Variants in PLB1 observed in about 807,000 individuals in gnomAD.
PLB1 encodes phospholipase B1, membrane-associated.
PLB1 carries 242 observed loss-of-function variants against 227.4 expected under a neutral mutation model. That is an observed-to-expected ratio of 1.06 (90% CI 0.96 to 1.18). PLB1 has a LOEUF of 1.18. PLB1 is among the 50% of genes most tolerant of loss of function. The pLI is 0.00. For synonymous variants in PLB1, 757 were observed against 682.2 expected (o/e 1.11, Z -1.71); for missense variants, 1,858 against 1,816.3 (o/e 1.02, Z -0.42).
At position 28,516,796 on chromosome 2, in the gene PLB1, G is replaced by A; in HGVS notation, c.56-12G>A. On this transcript the variant is annotated splice_polypyrimidine_tract_variant and intron_variant, in intron 1 of 57. Coordinates refer to ENST00000327757, the MANE Select transcript of PLB1 (RefSeq NM_153021.5). ...CAGCTAAATAACTTGAACTATTTCT[G>A]CTTTCTTTCAGGGACCCCTCAGATC... The A allele has an allele frequency of 6.2e-7, 1 of 1,610,680 alleles. No individual in the cohort carries two copies. Among genetic ancestry groups the A allele is most frequent in the Non-Finnish European group, 8.5e-7 (1 of 1,177,112 alleles).
chr2:28,590,413 G>A (rs1008175450), intron 29 of PLB1, among the ~76,000 whole-genome samples: 1 of 152,186 alleles, frequency 6.6e-6, no homozygotes. Context: ...AGGGCAGATG[G>A]GGCGGAAGGA....
At chr2:28,540,770 G>C (rs1009492407) in intron 12 of PLB1, among the ~76,000 whole-genome samples, 4 of 152,200 alleles carry the variant, frequency 2.6e-5, no homozygotes, top group African/African-American at 9.7e-5. Context: ...ACCACATCTG[G>C]GGTGGGTGAG....
chr2:28,617,877 A>G, intron 45 of PLB1, 90 bp downstream of exon 45: 1 of 1,319,942 alleles, frequency 7.6e-7, no homozygotes, highest in Non-Finnish European at 1.1e-6. Flanking sequence ...CTGGAGCTTT[A>G]AGCAGGACTT....
chr2:28,543,273 G>A lies in PLB1; in HGVS notation c.936+5G>A. 6.2e-7 allele frequency: 1 copy of A among 1,611,476 alleles called. No individual in the cohort carries two copies. On this transcript the variant is annotated splice_donor_5th_base_variant and intron_variant, in intron 14 of 57. Coordinates refer to ENST00000327757, the MANE Select transcript of PLB1 (RefSeq NM_153021.5). ...TGGCATCTCTGGAATAGGATGGTGA[G>A]TAGATGGGGCCTGGGGTGGGGCCCA...
At position 28,606,556 on chromosome 2, in the gene PLB1, T is replaced by C; in HGVS notation, c.3118T>C (p.Cys1040Arg). 1 of 1,614,160 alleles carries C rather than the reference T, an allele frequency of 6.2e-7. No individual in the cohort carries two copies. ...LDLRAEMPIT[C>R]PTQNEPFLRT... ...CCTGAGAGCAGAGATGCCCATCACC[T>C]GTCCCACTCAGGTAGTAGGGGAGGA... The change falls in exon 43 of 58, where the codon TGT (cysteine) becomes CGT (arginine). Residue 1040 changes from cysteine to arginine, a missense_variant. Physicochemically the swap from Cys to Arg is radical, Grantham distance 180. Coordinates refer to ENST00000327757, the MANE Select transcript of PLB1 (RefSeq NM_153021.5).
At chr2:28,607,670 A>AG (rs1157483417) in intron 43 of PLB1, among the ~76,000 whole-genome samples, 2 of 152,158 alleles carry the variant, frequency 1.3e-5, no homozygotes, top group Non-Finnish European at 2.9e-5. Context: ...AAAACCTTAG[A>AG]GGCCCCTACT....
chr2:28,592,724 G>A lies in PLB1; in HGVS notation c.2247+5G>A, dbSNP rs1682179931. The stretch of plus-strand genomic sequence containing the variant: ...GCTCTGGGGGATTCTCTGACCGTAA[G>A]GACTCTTGGGCCCCAGGTGGTTTGG... On this transcript the variant is annotated splice_donor_5th_base_variant and intron_variant, in intron 32 of 57. Transcript: ENST00000327757. The A allele has an allele frequency of 1.2e-6, 2 of 1,613,762 alleles. No individual in the cohort carries two copies. Among genetic ancestry groups the A allele is most frequent in the Admixed American group, 1.7e-5 (1 of 59,956 alleles).
In PLB1 at chr2:28,566,876, G is replaced by T. The variant is rs781439531; in HGVS notation, c.1324+37G>T. The T allele has an allele frequency of 4.7e-5, 75 of 1,612,364 alleles. 1 individual carries two copies. The South Asian group carries it at 7.2e-4, about 16-fold the overall frequency. On this transcript the variant is annotated intron_variant, in intron 20 of 57. Coordinates refer to ENST00000327757, the MANE Select transcript of PLB1 (RefSeq NM_153021.5). ...GCGGCGGCCGGGATGTTTGGTTTGG[G>T]GCGGCCCCTGCACGCTTCCCGCTCC... is the stretch of plus-strand genomic sequence containing the variant.
rs1690137449 is a variant in PLB1 at position 28,642,973 on chromosome 2, T to G, written c.4289T>G (p.Val1430Gly). ...GTGGCAGCGGGAGTCGGCCTTGTGG[T>G]GGGCATCATCGGGACAGTGGTCTGG... is the stretch of plus-strand genomic sequence containing the variant. ...VPVAAGVGLV[V>G]GIIGTVVWRC... is the part of the protein sequence containing the mutation. The change falls in exon 58 of 58, where the codon GTG becomes GGG. Residue 1430 changes from valine (V) to glycine (G), a missense_variant. Coordinates refer to ENST00000327757, the MANE Select transcript of PLB1 (RefSeq NM_153021.5). 1 of 1,610,304 alleles carries G rather than the reference T, an allele frequency of 6.2e-7. No homozygotes were observed. Among genetic ancestry groups the G allele is most frequent in the African/African-American group, 1.3e-5 (1 of 74,868 alleles).
At chr2:28,604,135 G>A (rs1684315640) in intron 40 of PLB1, 88 bp downstream of exon 40, 2 of 1,305,278 alleles carry the variant, frequency 1.5e-6, no homozygotes, top group East Asian at 2.3e-5. Flanking sequence ...GGCACACAGG[G>A]AAGGAAAAGC....
intron 43 of PLB1, among the ~76,000 whole-genome samples, chr2:28,609,889 G>A (rs945708280): frequency 2.6e-5 from 4 of 152,022 alleles, no homozygotes; most frequent in African/African-American, 9.7e-5. Flanking sequence ...CACTGCAGGG[G>A]CTCAGATTCT....
chr2:28,571,167 A>C (rs1677948709), intron 20 of PLB1, among the ~76,000 whole-genome samples: 1 of 152,214 alleles, frequency 6.6e-6, no homozygotes, highest in African/African-American at 2.4e-5. Flanking sequence ...ATCAATTATA[A>C]TTCTTTATAC....
In PLB1 at chr2:28,526,417, A is replaced by C. The variant is rs74756600; in HGVS notation, c.325+472A>C. ...ACAAGACATCAGTTGGGTTCAGGCA[A>C]ATGAAATGAAAAAAATAAAAGTCAA... On this transcript the variant is annotated intron_variant, in intron 6 of 57. Transcript: ENST00000327757. Among the ~76,000 whole-genome samples the C allele has an allele frequency of 6.6e-4, 101 of 152,336 alleles. 3 individuals are homozygous for C. In the East Asian group the frequency reaches 0.017, roughly 26 times the overall value.
rs561309095 is a variant in PLB1 at position 28,606,472 on chromosome 2, GTC to G, written c.3058-18_3058-17del. ...CATGGAAACAAACTACTACACCCGT[GTC>G]TCTCTTTTCTTCCCTGATCAGCTTG... On this transcript the variant is annotated intron_variant, in intron 42 of 57. Coordinates refer to ENST00000327757, the MANE Select transcript of PLB1 (RefSeq NM_153021.5). 5.0e-4 allele frequency: 799 copies of G among 1,607,428 alleles called. 1 individual carries two copies. The highest frequency in any genetic ancestry group is 6.1e-4 in the Non-Finnish European group (718 of 1,173,970).
intron 29 of PLB1, 127 bp downstream of exon 29, chr2:28,590,203 C>A: frequency 1.2e-6 from 1 of 821,356 alleles, no homozygotes. Flanking sequence ...CCAGGGTTAA[C>A]TGCCCCAAAT....
intron 18 of PLB1, 21 bp from the exon 19 acceptor site, chr2:28,565,259 C>G (rs750271180): frequency 6.2e-7 from 1 of 1,603,046 alleles, no homozygotes; most frequent in African/African-American, 1.3e-5. Flanking sequence ...AGAAACTCAC[C>G]CCCTCATTGT....
At chr2:28,603,096 G>C (rs1427366623) in intron 39 of PLB1, among the ~76,000 whole-genome samples, 175 bp downstream of exon 39, 1 of 152,222 alleles carries the variant, frequency 6.6e-6, no homozygotes, top group African/African-American at 2.4e-5. Flanking sequence ...TGACTCCCCT[G>C]TTACCCAACT....
intron 34 of PLB1, 34 bp downstream of exon 34, chr2:28,598,082 T>C: frequency 6.3e-7 from 1 of 1,587,604 alleles, no homozygotes; most frequent in Non-Finnish European, 8.6e-7. Context: ...ATCTGTCTAC[T>C]GTTCCACCCA....
intron 4 of PLB1, among the ~76,000 whole-genome samples, chr2:28,521,472 G>A (rs537363597): frequency 1.3e-5 from 2 of 152,188 alleles, no homozygotes; most frequent in African/African-American, 4.8e-5. Context: ...GTGGTTGGTT[G>A]GTTTTTAATA....
Sources: gnomAD v4.1 joint callset for allele counts (sites outside exome capture counted in the v4.1 genomes callset) on GRCh38, gnomAD v4.1.1 for gene constraint, MANE v1.5 for transcripts, NCBI Gene and HGNC (gene_info 2026-07-23, HGNC 2026-07-21) for gene names.